The following CDS1 variants were observed in gnomAD, a reference collection of about 807,000 sequenced individuals.
CDS1 encodes the protein phosphatidate cytidylyltransferase 1.
In CDS1, 41 loss-of-function variants were observed where a neutral mutation model predicts 62.1. The observed-to-expected ratio is 0.66, with a 90% confidence interval of 0.51 to 0.86. The LOEUF (loss-of-function observed/expected upper bound fraction) is 0.86, where lower values mean the gene tolerates loss of function less well. CDS1 is among the 40% of genes least tolerant of loss of function. The probability of loss-of-function intolerance (pLI) is 0.00; values close to 1 mark genes in which losing one functional copy is unlikely to be tolerated. For synonymous variants in CDS1, 185 were observed against 192.6 expected (o/e 0.96, Z 0.32); for missense variants, 470 against 550.1 (o/e 0.85, Z 1.46).
At chr4:84,593,982 G>A (rs186678842) in intron 1 of CDS1, among the ~76,000 whole-genome samples, 1 of 152,246 alleles carries the variant, frequency 6.6e-6, no homozygotes, top group African/African-American at 2.4e-5. Flanking sequence ...TCCCAGGCAC[G>A]GGTGTGGGGG....
chr4:84,604,587 T>C (rs1223771983), intron 2 of CDS1, among the ~76,000 whole-genome samples: 1 of 152,134 alleles, frequency 6.6e-6, no homozygotes, highest in Non-Finnish European at 1.5e-5. Flanking sequence ...GAGAGGTTAA[T>C]TGTTGAAGGC....
At chr4:84,604,406 CA>C (rs1560468420) in intron 2 of CDS1, 36 bp downstream of exon 2, 1 of 1,594,178 alleles carries the variant, frequency 6.3e-7, no homozygotes, top group South Asian at 1.1e-5. Flanking sequence ...TCTTAGTGCA[CA>C]AGATAGGCTT....
At chr4:84,613,580 A>G (rs1239407447) in intron 3 of CDS1, among the ~76,000 whole-genome samples, 1 of 152,208 alleles carries the variant, frequency 6.6e-6, no homozygotes, top group Non-Finnish European at 1.5e-5. Flanking sequence ...ACTGCACTCC[A>G]GCCTGGGCGA....
chr4:84,649,269 A>G lies in CDS1; in HGVS notation c.*583A>G, dbSNP rs1325256291. 3 of 152,218 alleles carry G rather than the reference A, an allele frequency of 2.0e-5. No homozygotes were observed. The highest frequency in any genetic ancestry group is 4.4e-5 in the Non-Finnish European group (3 of 68,060). 9.4% of individuals were successfully genotyped at this position (152,218 alleles called of 1,614,324 possible). A position where few individuals can be genotyped will look rare whatever the true frequency, so the allele number is the denominator to read the frequency against. On this transcript the variant is annotated 3_prime_UTR_variant, in exon 13 of 13. Transcript: ENST00000295887. ...AACATTCTGCTTTTAGGTAGTTTCAAAATTCAGGGGAGGGAGCCTGAAATT... is the reference window on the plus strand; with the variant it reads ...AACATTCTGCTTTTAGGTAGTTTCAGAATTCAGGGGAGGGAGCCTGAAATT...
In CDS1 at chr4:84,583,310, G is replaced by C; in HGVS notation, c.-92G>C. ...CCGCGGGACTCCAGGGCGCGGCTGC[G>C]AGGTGGCGGGGCGCCCCGCCTGCAG... On this transcript the variant is annotated 5_prime_UTR_variant, in exon 1 of 13. Coordinates refer to ENST00000295887, the MANE Select transcript of CDS1 (RefSeq NM_001263.4). 2 of 896,634 alleles carry C rather than the reference G, an allele frequency of 2.2e-6. No individual in the cohort carries two copies. The highest frequency in any genetic ancestry group is 3.4e-6 in the Non-Finnish European group (2 of 580,158). The allele number at this position is 896,634 out of a possible 1,614,324, so 55.5% of individuals were successfully genotyped here. A position where few individuals can be genotyped will look rare whatever the true frequency, so the allele number is the denominator to read the frequency against.
At chr4:84,638,573 C>A (rs1027835757) in intron 8 of CDS1, among the ~76,000 whole-genome samples, 1 of 152,134 alleles carries the variant, frequency 6.6e-6, no homozygotes, top group South Asian at 2.1e-4. Context: ...CTTACACCAA[C>A]TATTATCAGG....
intron 1 of CDS1, among the ~76,000 whole-genome samples, chr4:84,592,880 G>T (rs1040790686): frequency 6.6e-6 from 1 of 152,160 alleles, no homozygotes; most frequent in Admixed American, 6.5e-5. Flanking sequence ...ACCCAGGTGG[G>T]ATCAGACATC....
chr4:84,607,030 C>G (rs1370994176), intron 2 of CDS1, among the ~76,000 whole-genome samples: 1 of 152,162 alleles, frequency 6.6e-6, no homozygotes, highest in East Asian at 1.9e-4. Context: ...ATTTTTAGTT[C>G]TGCCTCATGC....
At chr4:84,630,421 C>T (rs1399909942) in intron 5 of CDS1, among the ~76,000 whole-genome samples, 1 of 152,148 alleles carries the variant, frequency 6.6e-6, no homozygotes, top group Non-Finnish European at 1.5e-5. Flanking sequence ...TCATTCTCTT[C>T]ATTTTGTCAT....
chr4:84,619,351 G>A, intron 4 of CDS1, 43 bp from the exon 5 acceptor site: 2 of 1,130,994 alleles, frequency 1.8e-6, no homozygotes, highest in Non-Finnish European at 2.4e-6. Context: ...TGAGGGGAAG[G>A]AAAGCTTCAA....
At position 84,598,443 on chromosome 4, in the gene CDS1, T is replaced by C. The variant is rs186586394; in HGVS notation, c.118-5800T>C. 9.9e-5 allele frequency among the ~76,000 whole-genome samples: 15 copies of C among 151,658 alleles called. No homozygotes were observed. The East Asian group carries it at 2.7e-3, about 27-fold the overall frequency. On this transcript the variant is annotated intron_variant, in intron 1 of 12. Coordinates refer to ENST00000295887, the MANE Select transcript of CDS1 (RefSeq NM_001263.4). ...TTTTAATTTTATTATTATTATACTT[T>C]TAGGGTACATGTGCACAACGTGCAG... is the stretch of plus-strand genomic sequence containing the variant.
chr4:84,583,480 G>C lies in CDS1; in HGVS notation c.79G>C (p.Ala27Pro), dbSNP rs773203422. The change falls in exon 1 of 13, where the codon GCC (alanine) becomes CCC (proline). Residue 27 changes from alanine (A) to proline (P), a missense_variant. Physicochemically the swap from Ala to Pro is conservative, Grantham distance 27 (BLOSUM62 -1). This residue lies in a region of CDS1 where 150 missense variants were observed against 142.0 expected (regional missense o/e 1.06). Transcript: ENST00000295887. ...VSPPHREGEA[A>P]GGDHETESTS... ...GCCGCCACACCGCGAGGGAGAGGCGGCCGGCGGCGACCACGAAACCGAGAG... is the reference window on the plus strand; with the variant it reads ...GCCGCCACACCGCGAGGGAGAGGCGCCCGGCGGCGACCACGAAACCGAGAG... 247 of 1,559,298 alleles carry C rather than the reference G, an allele frequency of 1.6e-4. No homozygotes were observed. The highest frequency in any genetic ancestry group is 2.3e-4 in the Admixed American group (12 of 51,486).
intron 5 of CDS1, among the ~76,000 whole-genome samples, chr4:84,629,682 C>T (rs573823711): frequency 6.6e-6 from 1 of 152,264 alleles, no homozygotes; most frequent in Non-Finnish European, 1.5e-5. Context: ...CTTTATACCT[C>T]CCCCTTCCTC....
At chr4:84,599,403 CACAT>C (rs1238920257) in intron 1 of CDS1, among the ~76,000 whole-genome samples, 875 of 16,306 alleles carry the variant, frequency 0.054, 2 homozygotes, top group East Asian at 0.092. Flanking sequence ...GACACACACA[CACAT>C]ATATATATAT....
chr4:84,619,044 TACACACACACACACACACACACACAC>T (rs33991933), intron 4 of CDS1, among the ~76,000 whole-genome samples: 2 of 140,896 alleles, frequency 1.4e-5, no homozygotes, highest in African/African-American at 5.2e-5. Context: ...ATTAAATTTA[TACACACACACACACACACACACACAC>T]ACACACACAC....
At chr4:84,632,018 A>G in intron 6 of CDS1, 141 bp downstream of exon 6, 1 of 544,578 alleles carries the variant, frequency 1.8e-6, no homozygotes, top group Admixed American at 3.2e-5. Context: ...TCAGATGACC[A>G]TTAGATATAA....
At chr4:84,617,734 G>C (rs1025691221) in intron 4 of CDS1, 73 bp downstream of exon 4, 6 of 673,890 alleles carry the variant, frequency 8.9e-6, no homozygotes, top group Non-Finnish European at 1.5e-5. Context: ...GTCTTGATCA[G>C]TCAGTATCCA....
At chr4:84,608,350 A>AT (rs1470792996) in intron 2 of CDS1, among the ~76,000 whole-genome samples, 9 of 152,012 alleles carry the variant, frequency 5.9e-5, no homozygotes, top group Admixed American at 2.0e-4. Context: ...ATTGTTTTGT[A>AT]TTTTTAGTAG....
At chr4:84,642,887 T>TA (rs1724433606) in intron 10 of CDS1, 137 bp from the exon 11 acceptor site, 4 of 830,758 alleles carry the variant, frequency 4.8e-6, no homozygotes, top group Non-Finnish European at 7.4e-6. Flanking sequence ...CCTTGATCCT[T>TA]AAAGTTTGAA....
Sources: allele counts gnomAD v4.1 joint callset (sites outside exome capture counted in the v4.1 genomes callset), GRCh38; gene constraint gnomAD v4.1.1; regional missense constraint gnomAD v4.1.1; transcripts MANE v1.5; gene names NCBI Gene and HGNC (gene_info 2026-07-23, HGNC 2026-07-21).